The following IFT88 variants were observed in gnomAD, a reference collection of about 807,000 sequenced individuals.
IFT88 encodes the protein intraflagellar transport 88.
IFT88 carries 74 observed loss-of-function variants against 119.5 expected under a neutral mutation model. The ratio of observed to expected loss-of-function variants is 0.62; its 90% CI spans 0.51 to 0.75. IFT88 has a LOEUF of 0.75. Among genes scored for constraint, IFT88 ranks in the 30% least tolerant of loss-of-function variants. The pLI, the probability that IFT88 is intolerant of heterozygous loss-of-function variation, is 0.00. For synonymous variants in IFT88, 279 were observed against 316.7 expected, an observed-to-expected ratio of 0.88 and a Z score of 1.26; for missense variants, 961 against 977.7, an observed-to-expected ratio of 0.98 and a Z score of 0.23.
chr13:20,656,527 A>G, intron 22 of IFT88, 97 bp downstream of exon 22: 1 of 451,884 alleles, frequency 2.2e-6, no homozygotes. Context: ...GTATACGTAA[A>G]TACCAACCTA....
chr13:20,666,020 G>A (rs183920384), intron 23 of IFT88, among the ~76,000 whole-genome samples: 5 of 152,154 alleles, frequency 3.3e-5, no homozygotes, highest in Non-Finnish European at 5.9e-5. Flanking sequence ...TTGAATTTAC[G>A]GTCAGCCAGT....
intron 24 of IFT88, among the ~76,000 whole-genome samples, chr13:20,688,274 G>A (rs1430229369): frequency 1.3e-5 from 2 of 152,202 alleles, no homozygotes; most frequent in South Asian, 2.1e-4. Context: ...TTGAACCCGG[G>A]AGGTGGAGGT....
At chr13:20,639,006 T>C (rs2049453679) in intron 17 of IFT88, among the ~76,000 whole-genome samples, 1 of 152,226 alleles carries the variant, frequency 6.6e-6, no homozygotes, top group African/African-American at 2.4e-5. Flanking sequence ...AGCCAAATAC[T>C]ACAAGCCATG....
rs1372805403 is a variant in IFT88 at position 20,638,385 on chromosome 13, T to C, written c.1440T>C (p.Asp480=). ...ATGCAGATATAGCTGTGAACTCTGA[T>C]AGATATAATCCAGCAGCTCTTACTA... ...SSYADIAVNS[D]RYNPAALTNK... is the part of the protein sequence containing the mutation. Residue 480 remains aspartate, a synonymous_variant, in exon 17 of 26, where the codon GAT becomes GAC. Coordinates refer to ENST00000351808, the MANE Select transcript of IFT88 (RefSeq NM_006531.5). 1 of 1,495,492 alleles carries C rather than the reference T, an allele frequency of 6.7e-7. No individual in the cohort carries two copies. 92.6% of individuals were successfully genotyped at this position (1,495,492 alleles called of 1,614,324 possible).
chr13:20,602,851 C>T (rs1490382632), intron 12 of IFT88, among the ~76,000 whole-genome samples: 2 of 151,460 alleles, frequency 1.3e-5, no homozygotes, highest in Admixed American at 6.6e-5. Context: ...CCACTGCACT[C>T]CATCCTGGGT....
chr13:20,596,157 GA>G lies in IFT88; in HGVS notation c.412del (p.Ile138Ter). 2.0e-6 allele frequency: 3 copies of G among 1,484,258 alleles called. No individual in the cohort carries two copies. Among genetic ancestry groups the G allele is most frequent in the Admixed American group, 1.9e-5 (1 of 53,520 alleles). 91.9% of individuals were successfully genotyped at this position (1,484,258 alleles called of 1,614,324 possible). ...LEAKKKDSPE[E>X]KIKQLEKEVN... is the part of the protein sequence containing the mutation. Reference sequence around the variant, plus strand: ...TGCTTTTGTCTTTAATAGCCCAGAGGAAAAAATAAAGCAATTAGAGAAGGAA... The same window carrying G: ...TGCTTTTGTCTTTAATAGCCCAGAGGAAAAATAAAGCAATTAGAGAAGGAA... On this transcript the variant is annotated frameshift_variant, in exon 8 of 26. Transcript: ENST00000351808. LOFTEE classifies it high-confidence loss of function.
chr13:20,602,128 A>G (rs73431373), intron 12 of IFT88, among the ~76,000 whole-genome samples, 195 bp downstream of exon 12: 532 of 151,650 alleles, frequency 3.5e-3, no homozygotes, highest in African/African-American at 0.012. Flanking sequence ...GGTAGAGATT[A>G]TGGTTAAAAC....
chr13:20,591,104 AT>A, intron 5 of IFT88, 84 bp downstream of exon 5: 1 of 893,358 alleles, frequency 1.1e-6, no homozygotes, highest in Non-Finnish European at 1.8e-6. Flanking sequence ...TTATTATATT[AT>A]TTTAAAATGT....
At chr13:20,579,441 G>T (rs368633122) in intron 2 of IFT88, among the ~76,000 whole-genome samples, 2 of 152,188 alleles carry the variant, frequency 1.3e-5, no homozygotes, top group African/African-American at 4.8e-5. Flanking sequence ...CAACAGACCC[G>T]CAGAGAGTAC....
intron 16 of IFT88, 77 bp downstream of exon 16, chr13:20,631,179 G>T: frequency 1.1e-6 from 1 of 911,794 alleles, no homozygotes; most frequent in South Asian, 1.3e-5. Flanking sequence ...ATCATGCCTA[G>T]GGAGAGGTCC....
intron 15 of IFT88, among the ~76,000 whole-genome samples, chr13:20,627,164 A>G (rs2047475452): frequency 6.6e-6 from 1 of 152,228 alleles, no homozygotes; most frequent in Admixed American, 6.5e-5. Context: ...AGCATTTACA[A>G]AACATTTGAA....
chr13:20,607,643 T>G, intron 13 of IFT88: 1 of 875,484 alleles, frequency 1.1e-6, no homozygotes, highest in Non-Finnish European at 1.9e-6. Flanking sequence ...GATCCCCACC[T>G]GGGTTCTGGT....
At chr13:20,590,593 T>G (rs17054149) in intron 4 of IFT88, among the ~76,000 whole-genome samples, 3,177 of 152,168 alleles carry the variant, frequency 0.021, 100 homozygotes, top group African/African-American at 0.072. Flanking sequence ...ATAAATTTGA[T>G]TTTTGGTGGT....
chr13:20,648,422 GT>G (rs1234037457), intron 20 of IFT88, among the ~76,000 whole-genome samples: 1 of 152,026 alleles, frequency 6.6e-6, no homozygotes, highest in East Asian at 1.9e-4. Context: ...AATAAAATAA[GT>G]TTGTATTGTT....
At chr13:20,631,453 A>G (rs1240534154) in intron 16 of IFT88, 1 of 207,450 alleles carries the variant, frequency 4.8e-6, no homozygotes, top group East Asian at 1.1e-4. Context: ...GTAAGGTTAC[A>G]GAGTATCAAC....
At chr13:20,611,976 T>G (rs1247436368) in intron 13 of IFT88, among the ~76,000 whole-genome samples, 1 of 106,782 alleles carries the variant, frequency 9.4e-6, no homozygotes, top group Non-Finnish European at 2.0e-5. Flanking sequence ...ACAAATAAAC[T>G]TAAAACTGGA....
chr13:20,676,217 A>G (rs1340557587), intron 24 of IFT88, among the ~76,000 whole-genome samples: 1 of 152,172 alleles, frequency 6.6e-6, no homozygotes. Flanking sequence ...CCTGGCATTC[A>G]TTCAACATCC....
chr13:20,634,035 C>T (rs2048633522), intron 16 of IFT88, among the ~76,000 whole-genome samples: 1 of 152,158 alleles, frequency 6.6e-6, no homozygotes, highest in South Asian at 2.1e-4. Flanking sequence ...ATTCCTACCT[C>T]ATGCCTGTCA....
intron 14 of IFT88, among the ~76,000 whole-genome samples, chr13:20,619,740 A>G (rs976012412): frequency 3.9e-5 from 6 of 152,038 alleles, no homozygotes; most frequent in Admixed American, 2.6e-4. Flanking sequence ...ATACATACCT[A>G]TGAGTGAAAT....
Sources: allele counts gnomAD v4.1 joint callset (sites outside exome capture counted in the v4.1 genomes callset), GRCh38; gene constraint gnomAD v4.1.1; transcripts MANE v1.5; gene names NCBI Gene and HGNC (gene_info 2026-07-23, HGNC 2026-07-21).